NPAS3: variants seen among roughly 807,000 people sequenced by gnomAD.
The protein encoded by NPAS3 is neuronal PAS domain-containing protein 3.
A neutral mutation model predicts 73.1 loss-of-function variants in NPAS3; 14 were observed. That is an observed-to-expected ratio of 0.19 (90% CI 0.13 to 0.30). NPAS3 has a LOEUF of 0.30. Ranked by LOEUF, NPAS3 falls within the 10% of genes least tolerant of loss-of-function variation. The probability of loss-of-function intolerance (pLI) is 1.00; values close to 1 mark genes in which losing one functional copy is unlikely to be tolerated. For missense variants in NPAS3, 1,096 were observed against 1,250.0 expected (o/e 0.88, Z 1.86); for synonymous variants, 620 against 541.5 (o/e 1.14, Z -2.01).
At chr14:33,303,761 G>T (rs1433669766) in intron 3 of NPAS3, among the ~76,000 whole-genome samples, 2 of 149,430 alleles carry the variant, frequency 1.3e-5, no homozygotes, top group Non-Finnish European at 3.0e-5. Flanking sequence ...TCATGATATT[G>T]TTTATTGGAG....
chr14:33,602,336 G>A (rs758775649), intron 5 of NPAS3, among the ~76,000 whole-genome samples: 55 of 152,294 alleles, frequency 3.6e-4, no homozygotes, highest in African/African-American at 1.2e-3. Context: ...ATTAAGACTC[G>A]CAGGGCATTG....
chr14:32,997,719 T>C (rs931288184), intron 1 of NPAS3, among the ~76,000 whole-genome samples: 24 of 145,100 alleles, frequency 1.7e-4, no homozygotes, highest in Non-Finnish European at 3.6e-4. Context: ...GGTCAGGAGA[T>C]GGAGACCATC....
At chr14:33,468,214 AGCCCTAGGGAAG>A (rs2050620539) in intron 4 of NPAS3, among the ~76,000 whole-genome samples, 1 of 152,256 alleles carries the variant, frequency 6.6e-6, no homozygotes, top group African/African-American at 2.4e-5. Flanking sequence ...TCTGATTTAA[AGCCCTAGGGAAG>A]GCCACCAGGC....
chr14:33,559,277 A>G (rs570024401), intron 4 of NPAS3, among the ~76,000 whole-genome samples: 1 of 152,354 alleles, frequency 6.6e-6, no homozygotes, highest in Admixed American at 6.5e-5. Context: ...ATTGCAGCCC[A>G]TAAACATTAT....
At chr14:33,268,709 C>T (rs1203320127) in intron 3 of NPAS3, among the ~76,000 whole-genome samples, 17 of 152,098 alleles carry the variant, frequency 1.1e-4, no homozygotes, top group Admixed American at 1.1e-3. Context: ...TCTTAAGGAG[C>T]TTAGGAACTT....
At chr14:33,460,330 C>T (rs1267076624) in intron 4 of NPAS3, among the ~76,000 whole-genome samples, 1 of 152,158 alleles carries the variant, frequency 6.6e-6, no homozygotes, top group African/African-American at 2.4e-5. Context: ...AGCCGTGAGG[C>T]AATCCTTAGT....
intron 2 of NPAS3, among the ~76,000 whole-genome samples, chr14:33,149,356 GTT>G (rs1276871107): frequency 6.6e-6 from 1 of 152,126 alleles, no homozygotes; most frequent in East Asian, 1.9e-4. Flanking sequence ...GTTCAAATAA[GTT>G]TTTCTTCAAT....
chr14:33,541,147 G>A (rs570144477), intron 4 of NPAS3, among the ~76,000 whole-genome samples: 6 of 149,396 alleles, frequency 4.0e-5, no homozygotes, highest in Non-Finnish European at 5.9e-5. Context: ...ACACACATTA[G>A]TAATAGGAAC....
At position 33,122,236 on chromosome 14, in the gene NPAS3, G is replaced by A. The variant is rs2043257423; in HGVS notation, c.140+66242G>A. On this transcript the variant is annotated intron_variant, in intron 2 of 11. Coordinates refer to ENST00000356141, the Ensembl canonical transcript of NPAS3. Reference sequence around the variant, plus strand: ...TGTTTGTCTTATCCCTACTGCTGTAGGTTGAATGAATTGTGGAATTTCTAA... The same window carrying A: ...TGTTTGTCTTATCCCTACTGCTGTAAGTTGAATGAATTGTGGAATTTCTAA... Among the ~76,000 whole-genome samples the A allele has an allele frequency of 1.3e-5, 2 of 152,072 alleles. 1 individual carries two copies. Among genetic ancestry groups the A allele is most frequent in the South Asian group, 4.1e-4 (2 of 4,824 alleles).
intron 1 of NPAS3, among the ~76,000 whole-genome samples, chr14:32,961,529 A>G (rs577182226): frequency 1.3e-5 from 2 of 152,194 alleles, no homozygotes; most frequent in East Asian, 3.9e-4. Context: ...AAATTGCTCC[A>G]TATCTCCAAT....
intron 2 of NPAS3, among the ~76,000 whole-genome samples, chr14:33,197,236 G>GGTGTGTGTGTGTGT (rs2046390592): frequency 4.2e-5 from 1 of 23,954 alleles, no homozygotes; most frequent in African/African-American, 1.6e-4. Flanking sequence ...ACTCCAGCAG[G>GGTGTGTGTGTGTGT]CTGTGTGTGT....
chr14:33,129,474 A>G (rs1206330129), intron 2 of NPAS3, among the ~76,000 whole-genome samples: 2 of 152,088 alleles, frequency 1.3e-5, no homozygotes, highest in Non-Finnish European at 2.9e-5. Context: ...TCATAAGTAG[A>G]TCTTTTTTGT....
At chr14:33,341,269 T>C (rs1257424642) in intron 3 of NPAS3, among the ~76,000 whole-genome samples, 1 of 152,060 alleles carries the variant, frequency 6.6e-6, no homozygotes, top group Non-Finnish European at 1.5e-5. Context: ...ACCTGCTGAG[T>C]TTTGGGTGTT....
At chr14:33,258,565 A>G (rs1201472665) in intron 3 of NPAS3, among the ~76,000 whole-genome samples, 1 of 152,172 alleles carries the variant, frequency 6.6e-6, no homozygotes, top group East Asian at 1.9e-4. Context: ...TGAAGAAAAG[A>G]ATTCTTTAGT....
chr14:33,481,826 GA>G (rs1651865226), intron 4 of NPAS3, among the ~76,000 whole-genome samples: 1 of 152,104 alleles, frequency 6.6e-6, no homozygotes, highest in Non-Finnish European at 1.5e-5. Flanking sequence ...GTTGGGAAGT[GA>G]GGGGGAGGAC....
intron 3 of NPAS3, among the ~76,000 whole-genome samples, chr14:33,331,292 C>G (rs1378035800): frequency 1.3e-5 from 2 of 152,058 alleles, no homozygotes; most frequent in Admixed American, 6.6e-5. Flanking sequence ...TAAAGGGGGG[C>G]CGCTTCTTTA....
intron 1 of NPAS3, among the ~76,000 whole-genome samples, chr14:32,948,610 T>G (rs2139121122): frequency 6.6e-6 from 1 of 152,240 alleles, no homozygotes; most frequent in South Asian, 2.1e-4. Context: ...AGGCATATGA[T>G]TATGGTTCAA....
rs2049125428 is a variant in NPAS3 at position 33,439,212 on chromosome 14, T to C, written c.468+71944T>C. 2.0e-5 allele frequency among the ~76,000 whole-genome samples: 3 copies of C among 152,204 alleles called. No individual in the cohort carries two copies. In the South Asian group the frequency reaches 6.2e-4, roughly 32 times the overall value. ...GGCAGTATTTATTCTACATGGTGGA[T>C]TAGAAAGCTATGATAGAGAGAGACT... On this transcript the variant is annotated intron_variant, in intron 4 of 11. Coordinates refer to ENST00000356141, the Ensembl canonical transcript of NPAS3.
chr14:33,050,079 T>C (rs1023882786), intron 1 of NPAS3, among the ~76,000 whole-genome samples: 7 of 152,104 alleles, frequency 4.6e-5, no homozygotes, highest in Non-Finnish European at 1.0e-4. Context: ...GGGGGGAAAG[T>C]CTAATTGGAA....
Sources: allele counts gnomAD v4.1 joint callset (sites outside exome capture counted in the v4.1 genomes callset), GRCh38; gene constraint gnomAD v4.1.1; transcripts MANE v1.5; gene names NCBI Gene and HGNC (gene_info 2026-07-23, HGNC 2026-07-21).